SULF1: variants seen among roughly 807,000 people sequenced by gnomAD.
SULF1 encodes the protein extracellular sulfatase Sulf-1.
A neutral mutation model predicts 110.5 loss-of-function variants in SULF1; 46 were observed. The ratio of observed to expected loss-of-function variants is 0.42; its 90% CI spans 0.33 to 0.53. The LOEUF (loss-of-function observed/expected upper bound fraction) is 0.53, where lower values mean the gene tolerates loss of function less well. Among genes scored for constraint, SULF1 ranks in the 20% least tolerant of loss-of-function variants. The pLI is 0.12. For missense variants in SULF1, 941 were observed against 1,094.2 expected, an observed-to-expected ratio of 0.86 and a Z score of 1.98; for synonymous variants, 371 against 387.1, an observed-to-expected ratio of 0.96 and a Z score of 0.49.
intron 3 of SULF1, among the ~76,000 whole-genome samples, chr8:69,524,081 G>T (rs1481564176): frequency 6.6e-6 from 1 of 152,042 alleles, no homozygotes; most frequent in Non-Finnish European, 1.5e-5. Flanking sequence ...GAAGTAGTAG[G>T]CTATGTAATA....
At chr8:69,606,905 C>T (rs189342113) in intron 13 of SULF1, among the ~76,000 whole-genome samples, 11 of 152,260 alleles carry the variant, frequency 7.2e-5, no homozygotes, top group Admixed American at 3.3e-4. Flanking sequence ...GGCCTGAATT[C>T]GTGGAACAAA....
At chr8:69,635,610 G>A (rs187919741) in intron 19 of SULF1, among the ~76,000 whole-genome samples, 3 of 152,200 alleles carry the variant, frequency 2.0e-5, no homozygotes, top group East Asian at 3.9e-4. Flanking sequence ...GGTGGCTCAC[G>A]CCTGTAAGCC....
chr8:69,564,478 A>G (rs1815724958), intron 5 of SULF1, among the ~76,000 whole-genome samples: 1 of 152,236 alleles, frequency 6.6e-6, no homozygotes, highest in African/African-American at 2.4e-5. Flanking sequence ...GTTGTTTCAA[A>G]GAGTATGAGG....
intron 3 of SULF1, among the ~76,000 whole-genome samples, chr8:69,517,752 A>G (rs914767170): frequency 6.6e-6 from 1 of 152,206 alleles, no homozygotes; most frequent in Non-Finnish European, 1.5e-5. Flanking sequence ...CAAAGAGGAA[A>G]TAGAAAACAG....
chr8:69,576,139 C>T lies in SULF1; in HGVS notation c.342C>T (p.Ser114=), dbSNP rs758857768. 6 of 1,614,172 alleles carry T rather than the reference C, an allele frequency of 3.7e-6. No homozygotes were observed. The South Asian group carries it at 6.6e-5, about 18-fold the overall frequency. ...ACACCAACAACGAGAACTGCTCTTC[C>T]CCCTCGTGGCAGGCCATGCATGAGC... ...NVYTNNENCS[S]PSWQAMHEPR... Residue 114 remains serine (S), a synonymous_variant, in exon 6 of 23, where the codon TCC becomes TCT. Coordinates refer to ENST00000402687, the MANE Select transcript of SULF1 (RefSeq NM_001128205.2).
intron 5 of SULF1, among the ~76,000 whole-genome samples, chr8:69,571,669 A>G (rs934778727): frequency 1.3e-5 from 2 of 152,228 alleles, no homozygotes; most frequent in Non-Finnish European, 1.5e-5. Flanking sequence ...GAGCCCTTCC[A>G]CTTATCGGAC....
At chr8:69,517,135 G>T (rs1046301215) in intron 3 of SULF1, among the ~76,000 whole-genome samples, 3 of 152,276 alleles carry the variant, frequency 2.0e-5, no homozygotes, top group East Asian at 1.9e-4. Context: ...GTCTTGTGCT[G>T]CATCATCCCA....
intron 3 of SULF1, among the ~76,000 whole-genome samples, chr8:69,504,302 G>A (rs940058286): frequency 5.3e-5 from 8 of 152,108 alleles, no homozygotes; most frequent in Admixed American, 1.3e-4. Context: ...TTGGGAGGCC[G>A]AGGTGGGTGA....
At chr8:69,558,184 A>G (rs182244277) in intron 3 of SULF1, among the ~76,000 whole-genome samples, 61 of 152,350 alleles carry the variant, frequency 4.0e-4, no homozygotes, top group Admixed American at 2.2e-3. Context: ...GGAAAGGGCC[A>G]TGTTAACTGA....
chr8:69,624,484 C>T (rs906309582), intron 15 of SULF1, among the ~76,000 whole-genome samples: 3 of 152,192 alleles, frequency 2.0e-5, no homozygotes, highest in African/African-American at 4.8e-5. Flanking sequence ...GGAGTAATTC[C>T]GTCACATCTT....
At chr8:69,610,261 C>A (rs1333459255) in intron 13 of SULF1, among the ~76,000 whole-genome samples, 1 of 152,192 alleles carries the variant, frequency 6.6e-6, no homozygotes, top group African/African-American at 2.4e-5. Context: ...TGAGTGGAAA[C>A]TGGTTTAGCT....
intron 15 of SULF1, among the ~76,000 whole-genome samples, chr8:69,626,481 T>C (rs1810038129): frequency 6.6e-6 from 1 of 152,246 alleles, no homozygotes; most frequent in Non-Finnish European, 1.5e-5. Flanking sequence ...CGCCATGCGC[T>C]CGCACTCCTC....
chr8:69,605,271 G>T (rs1808148918), intron 13 of SULF1, among the ~76,000 whole-genome samples: 1 of 152,178 alleles, frequency 6.6e-6, no homozygotes, highest in African/African-American at 2.4e-5. Context: ...CTTAGTCAAA[G>T]CACAGGTACG....
intron 3 of SULF1, among the ~76,000 whole-genome samples, chr8:69,526,832 AGG>A (rs1812719087): frequency 2.1e-5 from 3 of 143,122 alleles, no homozygotes; most frequent in African/African-American, 8.6e-5. Flanking sequence ...GAAGGAAGGA[AGG>A]AAGGAAGGGA....
At chr8:69,473,051 G>A (rs948019850) in intron 1 of SULF1, among the ~76,000 whole-genome samples, 2 of 151,824 alleles carry the variant, frequency 1.3e-5, no homozygotes, top group African/African-American at 4.8e-5. Context: ...TGGTACCCAG[G>A]CTGGTCTCAA....
At chr8:69,467,038 G>A (rs533384729) in intron 1 of SULF1, 1 of 152,276 alleles carries the variant, frequency 6.6e-6, no homozygotes, top group East Asian at 1.9e-4. Flanking sequence ...ACTTGTCAAA[G>A]CCAGTTGTTG....
chr8:69,579,041 G>GTCCC (rs1364099996), intron 6 of SULF1, among the ~76,000 whole-genome samples: 1 of 151,600 alleles, frequency 6.6e-6, no homozygotes. Flanking sequence ...GACGCCTGTA[G>GTCCC]TCCCAGCTAC....
At chr8:69,468,971 A>G (rs774375361) in intron 1 of SULF1, among the ~76,000 whole-genome samples, 1 of 152,176 alleles carries the variant, frequency 6.6e-6, no homozygotes, top group Non-Finnish European at 1.5e-5. Context: ...TTCCCCTGAA[A>G]AAAACAATTG....
upstream of SULF1, among the ~76,000 whole-genome samples, chr8:69,489,750 G>T (rs901370902): frequency 6.6e-6 from 1 of 151,118 alleles, no homozygotes; most frequent in Non-Finnish European, 1.5e-5. Context: ...CTAATTTCTT[G>T]TATTTTCAGT....
Sources: gnomAD v4.1 joint callset for allele counts (sites outside exome capture counted in the v4.1 genomes callset) on GRCh38, gnomAD v4.1.1 for gene constraint, MANE v1.5 for transcripts, NCBI Gene and HGNC (gene_info 2026-07-23, HGNC 2026-07-21) for gene names.